The following SMG6 variants were observed in gnomAD, a reference collection of about 807,000 sequenced individuals.
SMG6 encodes the protein SMG6 nonsense mediated mRNA decay factor, also known as telomerase-binding protein EST1A.
A neutral mutation model predicts 142.2 loss-of-function variants in SMG6; 66 were observed. That is an observed-to-expected ratio of 0.46 (90% CI 0.38 to 0.57). The LOEUF is 0.57. SMG6 is among the 20% of genes least tolerant of loss of function. The pLI is 0.00. For missense variants in SMG6, 1,793 were observed against 1,832.0 expected, an observed-to-expected ratio of 0.98 and a Z score of 0.39; for synonymous variants, 779 against 702.4, an observed-to-expected ratio of 1.11 and a Z score of -1.72.
Position 2,299,396 on chromosome 17 carries a change from G to A in SMG6, c.1357C>T (p.Arg453Cys), listed in dbSNP as rs751387001. 17 of 1,613,786 alleles carry A rather than the reference G, an allele frequency of 1.1e-5. No individual in the cohort carries two copies. Among genetic ancestry groups the A allele is most frequent in the African/African-American group, 2.7e-5 (2 of 74,906 alleles). Residue 453 changes from arginine to cysteine, a missense_variant, in exon 2 of 19, where the codon CGC becomes TGC. By Grantham distance (180) the Arg-to-Cys change is radical (BLOSUM62 -3). Coordinates refer to ENST00000263073, the MANE Select transcript of SMG6 (RefSeq NM_017575.5). This position sits in a 1 kb window ranked among gnomAD's most constrained non-coding sequence, Gnocchi z 4.3. ...SRSWGRGGTT[R>C]RLWDPNNPDQ... ...GGATTGTTTGGGTCCCACAATCGGC[G>A]TGTGGTGCCTCCACGGCCCCAACTC...
At chr17:2,061,827 G>T (rs964842209) in intron 18 of SMG6, 14 of 570,558 alleles carry the variant, frequency 2.5e-5, no homozygotes, top group Non-Finnish European at 4.0e-5. Context: ...CTGGGCTTCT[G>T]CCTTGACTCC....
At chr17:2,280,270 CT>C (rs199608381) in intron 8 of SMG6, among the ~76,000 whole-genome samples, 15 of 148,492 alleles carry the variant, frequency 1.0e-4, no homozygotes, top group Admixed American at 6.7e-5. Context: ...ATTTCTTTTT[CT>C]TTTTTTTTTG....
At chr17:2,127,522 A>G in intron 13 of SMG6, 1 of 650,480 alleles carries the variant, frequency 1.5e-6, no homozygotes, top group South Asian at 1.4e-5. Context: ...TGACTCAAGC[A>G]TGGTTTTGGG....
intron 10 of SMG6, chr17:2,232,758 A>C (rs1597664379): frequency 6.6e-6 from 1 of 152,092 alleles, no homozygotes; most frequent in South Asian, 2.1e-4. Flanking sequence ...CTGAAACTGG[A>C]AAGTTTAGTT....
chr17:2,239,114 T>C (rs1257633470), intron 9 of SMG6, among the ~76,000 whole-genome samples: 2 of 152,212 alleles, frequency 1.3e-5, no homozygotes, highest in Non-Finnish European at 2.9e-5. Flanking sequence ...TCTTTCTCTC[T>C]GAGAAATAAT....
At chr17:2,192,189 C>T (rs2072185009) in intron 10 of SMG6, among the ~76,000 whole-genome samples, 1 of 152,230 alleles carries the variant, frequency 6.6e-6, no homozygotes, top group South Asian at 2.1e-4. Flanking sequence ...TGCCTGGGCC[C>T]TCTAAGCCGA....
At chr17:2,235,010 G>A (rs576951729) in intron 10 of SMG6, among the ~76,000 whole-genome samples, 16 of 152,298 alleles carry the variant, frequency 1.1e-4, no homozygotes, top group African/African-American at 3.8e-4. Flanking sequence ...TGTTTTTAGT[G>A]GGAGATGGGA....
At chr17:2,089,364 T>C (rs948689948) in intron 13 of SMG6, among the ~76,000 whole-genome samples, 2 of 152,100 alleles carry the variant, frequency 1.3e-5, no homozygotes, top group African/African-American at 4.8e-5. Context: ...GGGAACACCC[T>C]GGGGAGCCTA....
At chr17:2,236,393 T>TG (rs1359375251) in intron 10 of SMG6, 99 bp downstream of exon 10, 9 of 1,107,930 alleles carry the variant, frequency 8.1e-6, no homozygotes, top group East Asian at 5.3e-5. Context: ...GGGGGTGGGG[T>TG]GGGGGGAGGT....
intron 16 of SMG6, among the ~76,000 whole-genome samples, chr17:2,067,523 C>T (rs535648843): frequency 4.6e-5 from 7 of 152,160 alleles, no homozygotes; most frequent in African/African-American, 1.2e-4. Context: ...CCCGCCCCAG[C>T]GAGGAGAAGG....
At chr17:2,271,748 A>AT (rs1242552853) in intron 8 of SMG6, among the ~76,000 whole-genome samples, 3 of 151,990 alleles carry the variant, frequency 2.0e-5, no homozygotes, top group Non-Finnish European at 2.9e-5. Context: ...AAAGCTGTAA[A>AT]TTTTTTTTAA....
intron 8 of SMG6, among the ~76,000 whole-genome samples, chr17:2,254,276 G>A (rs146208062): frequency 4.6e-5 from 7 of 152,282 alleles, no homozygotes; most frequent in African/African-American, 1.2e-4. Flanking sequence ...CTCCCACTGC[G>A]TGATCCCATG....
At chr17:2,090,961 T>C (rs2068700137) in intron 13 of SMG6, among the ~76,000 whole-genome samples, 1 of 152,180 alleles carries the variant, frequency 6.6e-6, no homozygotes, top group Non-Finnish European at 1.5e-5. Flanking sequence ...GCTGGTAAAA[T>C]ACAGGCTGCT....
At chr17:2,269,163 T>C (rs1260241009) in intron 8 of SMG6, among the ~76,000 whole-genome samples, 2 of 140,982 alleles carry the variant, frequency 1.4e-5, no homozygotes, top group African/African-American at 5.4e-5. Context: ...GAGCTTGCAG[T>C]GAGCCGAGAT....
chr17:2,069,589 C>G (rs552477292), intron 15 of SMG6, among the ~76,000 whole-genome samples: 1 of 152,284 alleles, frequency 6.6e-6, no homozygotes, highest in East Asian at 1.9e-4. Context: ...GAACGAGACC[C>G]TGTCTCAAAA....
In SMG6 at chr17:2,299,958, G is replaced by A. The variant is rs201836751; in HGVS notation, c.795C>T (p.Asn265=). Residue 265 remains asparagine (N), a synonymous_variant, in exon 2 of 19, where the codon AAC becomes AAT. Transcript: ENST00000263073. The surrounding 1 kb of genome is among the most constrained non-coding windows in gnomAD (Gnocchi z 4.3). ...TCAGGCCAGCTCCCTCAGCGCTGTT[G>A]TTGCTGCCAGCTGAGCTGGTGCTGC... ...RTRSTSSAGS[N]NSAEGAGLTD... 467 of 1,614,108 alleles carry A rather than the reference G, an allele frequency of 2.9e-4. 3 individuals are homozygous for A. The East Asian group carries it at 8.7e-3, about 30-fold the overall frequency.
At chr17:2,264,815 T>C (rs184447827) in intron 8 of SMG6, among the ~76,000 whole-genome samples, 23 of 151,700 alleles carry the variant, frequency 1.5e-4, no homozygotes, top group African/African-American at 5.6e-4. Context: ...GAGGGGAGGA[T>C]TGCTTGAGCC....
chr17:2,203,424 A>C (rs1008665977), intron 10 of SMG6, among the ~76,000 whole-genome samples: 3 of 152,138 alleles, frequency 2.0e-5, no homozygotes, highest in Admixed American at 2.0e-4. Context: ...TTACAAGCAG[A>C]TCTTGCAGGA....
At chr17:2,133,810 C>A (rs1412558442) in intron 13 of SMG6, among the ~76,000 whole-genome samples, 2 of 152,166 alleles carry the variant, frequency 1.3e-5, no homozygotes, top group Non-Finnish European at 2.9e-5. Context: ...TACGTAAAAC[C>A]TTGAAGAAGT....
Sources: allele counts gnomAD v4.1 joint callset (sites outside exome capture counted in the v4.1 genomes callset), GRCh38; gene constraint gnomAD v4.1.1; non-coding constraint Gnocchi (gnomAD v3.1); transcripts MANE v1.5; gene names NCBI Gene and HGNC (gene_info 2026-07-23, HGNC 2026-07-21).